The following POU2F1 variants were observed in gnomAD, a reference collection of about 807,000 sequenced individuals.
POU2F1 encodes POU class 2 homeobox 1.
POU2F1 carries 16 observed loss-of-function variants against 84.9 expected under a neutral mutation model. That is an observed-to-expected ratio of 0.19 (90% CI 0.13 to 0.29). The LOEUF is 0.29. Ranked by LOEUF, POU2F1 falls within the 10% of genes least tolerant of loss-of-function variation. The probability of loss-of-function intolerance (pLI) is 1.00; values close to 1 mark genes in which losing one functional copy is unlikely to be tolerated. For missense variants in POU2F1, 738 were observed against 942.6 expected, an observed-to-expected ratio of 0.78 and a Z score of 2.84; for synonymous variants, 368 against 368.3, an observed-to-expected ratio of 1.00 and a Z score of 0.01.
At chr1:167,251,618 A>T (rs1183724561) in intron 1 of POU2F1, among the ~76,000 whole-genome samples, 1 of 152,076 alleles carries the variant, frequency 6.6e-6, no homozygotes. Context: ...AAGTACTAGG[A>T]AAACAGCATT....
At chr1:167,272,700 C>T (rs905970387) in intron 1 of POU2F1, among the ~76,000 whole-genome samples, 2 of 152,116 alleles carry the variant, frequency 1.3e-5, no homozygotes, top group Non-Finnish European at 2.9e-5. Context: ...AAGACTACCC[C>T]CATGATCTAG....
intron 1 of POU2F1, among the ~76,000 whole-genome samples, chr1:167,258,287 G>A (rs761400284): frequency 6.6e-6 from 1 of 152,114 alleles, no homozygotes; most frequent in Non-Finnish European, 1.5e-5. Flanking sequence ...TCCATATTTT[G>A]GAGGGAGTGA....
intron 2 of POU2F1, among the ~76,000 whole-genome samples, chr1:167,356,561 G>A (rs1192892006): frequency 6.6e-6 from 1 of 152,088 alleles, no homozygotes; most frequent in African/African-American, 2.4e-5. Flanking sequence ...CCGGTAGAAG[G>A]TATTTGAGTC....
At chr1:167,379,850 A>G (rs1210642748) in intron 7 of POU2F1, 2 of 152,236 alleles carry the variant, frequency 1.3e-5, no homozygotes, top group Non-Finnish European at 1.5e-5. Flanking sequence ...TCAAGATAGT[A>G]GGAATAATGA....
chr1:167,313,699 G>A (rs200734297), intron 1 of POU2F1, among the ~76,000 whole-genome samples: 2 of 152,144 alleles, frequency 1.3e-5, no homozygotes, highest in East Asian at 3.8e-4. Flanking sequence ...GTTTTTAAAC[G>A]TGACACCAAA....
chr1:167,329,548 G>A lies in POU2F1; in HGVS notation c.62-2922G>A, dbSNP rs117102418. ...ATCGTTAGTAAATACAGTTAATTTA[G>A]AGTTCAGCTCGAATGAATATTTTTG... On this transcript the variant is annotated intron_variant, in intron 1 of 15. Transcript: ENST00000367866. Among the ~76,000 whole-genome samples, 86 of 152,246 alleles carry A rather than the reference G, an allele frequency of 5.6e-4. No individual in the cohort carries two copies. The East Asian group carries it at 9.4e-3, about 17-fold the overall frequency.
At chr1:167,251,716 CTTTACGTATTAGGCTTTACAAAG>C (rs1650740615) in intron 1 of POU2F1, among the ~76,000 whole-genome samples, 1 of 152,080 alleles carries the variant, frequency 6.6e-6, no homozygotes, top group Admixed American at 6.6e-5. Context: ...GTTTAGGTTT[CTTTACGTATTAGGCTTTACAAAG>C]AAGATGAAAA....
chr1:167,266,622 A>AT (rs34659711), intron 1 of POU2F1, among the ~76,000 whole-genome samples: 5,728 of 136,826 alleles, frequency 0.042, 229 homozygotes, highest in African/African-American at 0.096. Flanking sequence ...AATACTATTA[A>AT]TTTTTTTTTT....
intron 7 of POU2F1, 149 bp downstream of exon 7, chr1:167,376,304 A>AG (rs1474396071): frequency 9.2e-7 from 1 of 1,083,882 alleles, no homozygotes; most frequent in African/African-American, 1.6e-5. Flanking sequence ...GTTTAAAAAA[A>AG]GTTTTGTTTT....
chr1:167,288,262 TA>T (rs1653673297), intron 1 of POU2F1, among the ~76,000 whole-genome samples: 3 of 134,260 alleles, frequency 2.2e-5, no homozygotes, highest in African/African-American at 1.2e-4. Flanking sequence ...ACAGATATAT[TA>T]TTCACCAGTT....
chr1:167,354,471 T>C (rs1038473448), intron 2 of POU2F1, among the ~76,000 whole-genome samples: 5 of 152,108 alleles, frequency 3.3e-5, no homozygotes, highest in Non-Finnish European at 5.9e-5. Flanking sequence ...TTTATATTTT[T>C]AGTAAAGACG....
intron 1 of POU2F1, among the ~76,000 whole-genome samples, 153 bp downstream of exon 1, chr1:167,221,111 G>T (rs1648093637): frequency 6.6e-6 from 1 of 151,342 alleles, no homozygotes; most frequent in African/African-American, 2.4e-5. Context: ...CCCCCGCCGG[G>T]CGCTGAGCGG....
intron 1 of POU2F1, among the ~76,000 whole-genome samples, chr1:167,222,957 A>T (rs1648349535): frequency 6.6e-6 from 1 of 151,952 alleles, no homozygotes; most frequent in Admixed American, 6.6e-5. Flanking sequence ...TAAAACTGAC[A>T]CTTTTTTTTT....
intron 13 of POU2F1, among the ~76,000 whole-genome samples, chr1:167,408,786 A>G (rs1377085414): frequency 6.6e-6 from 1 of 152,246 alleles, no homozygotes; most frequent in African/African-American, 2.4e-5. Context: ...TAAGTTGATT[A>G]AAAGTCATCA....
chr1:167,223,309 A>G (rs1325489872), intron 1 of POU2F1, among the ~76,000 whole-genome samples: 1 of 152,126 alleles, frequency 6.6e-6, no homozygotes, highest in Non-Finnish European at 1.5e-5. Flanking sequence ...GTTATGTTTT[A>G]TCTAGACTTA....
chr1:167,228,909 C>T (rs1025814037), intron 1 of POU2F1, among the ~76,000 whole-genome samples: 1 of 152,094 alleles, frequency 6.6e-6, no homozygotes, highest in Non-Finnish European at 1.5e-5. Context: ...TTTTCATTAC[C>T]TCAGTTAGTC....
intron 1 of POU2F1, among the ~76,000 whole-genome samples, chr1:167,326,206 G>A (rs1431643849): frequency 1.3e-5 from 2 of 152,122 alleles, no homozygotes; most frequent in African/African-American, 2.4e-5. Context: ...TCAACTAGGT[G>A]TTAAATGAAA....
At chr1:167,257,619 A>T (rs551455542) in intron 1 of POU2F1, among the ~76,000 whole-genome samples, 1 of 152,342 alleles carries the variant, frequency 6.6e-6, no homozygotes, top group South Asian at 2.1e-4. Flanking sequence ...TGTAAACTGT[A>T]AGTGATTGCA....
At chr1:167,330,834 G>C (rs776191519) in intron 1 of POU2F1, among the ~76,000 whole-genome samples, 1 of 152,054 alleles carries the variant, frequency 6.6e-6, no homozygotes, top group Non-Finnish European at 1.5e-5. Context: ...ACATATGTGA[G>C]AAAACTGTTA....
Sources: gnomAD v4.1 joint callset for allele counts (sites outside exome capture counted in the v4.1 genomes callset) on GRCh38, gnomAD v4.1.1 for gene constraint, MANE v1.5 for transcripts, NCBI Gene and HGNC (gene_info 2026-07-23, HGNC 2026-07-21) for gene names.